Variants in LRRTM4 observed in about 807,000 individuals in gnomAD.
The protein encoded by LRRTM4 is leucine-rich repeat transmembrane neuronal protein 4.
A neutral mutation model predicts 47.6 loss-of-function variants in LRRTM4; 25 were observed. The ratio of observed to expected loss-of-function variants is 0.53; its 90% CI spans 0.38 to 0.73. LRRTM4 has a LOEUF of 0.73. Among genes scored for constraint, LRRTM4 ranks in the 30% least tolerant of loss-of-function variants. The pLI, the probability that LRRTM4 is intolerant of heterozygous loss-of-function variation, is 0.00. For missense variants in LRRTM4, 638 were observed against 713.4 expected, an observed-to-expected ratio of 0.89 and a Z score of 1.20; for synonymous variants, 311 against 269.5, an observed-to-expected ratio of 1.15 and a Z score of -1.51.
At chr2:77,488,010 A>G (rs1429069852) in intron 3 of LRRTM4, among the ~76,000 whole-genome samples, 2 of 152,118 alleles carry the variant, frequency 1.3e-5, no homozygotes, top group Non-Finnish European at 2.9e-5. Context: ...GACCTGATGA[A>G]TGGTGGGTCT....
chr2:76,833,602 T>C (rs553221340), intron 3 of LRRTM4, among the ~76,000 whole-genome samples: 1 of 151,774 alleles, frequency 6.6e-6, no homozygotes, highest in Admixed American at 6.6e-5. Context: ...CAGTAAATAA[T>C]ATAATAATAT....
intron 3 of LRRTM4, among the ~76,000 whole-genome samples, chr2:76,853,310 T>C (rs1672053294): frequency 6.6e-6 from 1 of 152,142 alleles, no homozygotes; most frequent in Non-Finnish European, 1.5e-5. Flanking sequence ...CTCAATTGAA[T>C]TGAAATGGGC....
chr2:77,193,547 C>T (rs992387404), intron 3 of LRRTM4, among the ~76,000 whole-genome samples: 6 of 151,464 alleles, frequency 4.0e-5, no homozygotes, highest in South Asian at 2.1e-4. Flanking sequence ...TAGTGGCTCA[C>T]GCCTGTAATC....
At chr2:76,933,280 A>T (rs576454927) in intron 3 of LRRTM4, among the ~76,000 whole-genome samples, 1 of 152,248 alleles carries the variant, frequency 6.6e-6, no homozygotes, top group South Asian at 2.1e-4. Flanking sequence ...CAATAAAGTT[A>T]TATGTTACCC....
At chr2:77,251,740 G>C (rs571946813) in intron 3 of LRRTM4, among the ~76,000 whole-genome samples, 1 of 152,268 alleles carries the variant, frequency 6.6e-6, no homozygotes, top group South Asian at 2.1e-4. Flanking sequence ...CACTGCCCTT[G>C]CACTCACCCA....
intron 3 of LRRTM4, among the ~76,000 whole-genome samples, chr2:77,148,834 G>C (rs916611153): frequency 2.6e-5 from 4 of 152,078 alleles, no homozygotes; most frequent in Non-Finnish European, 5.9e-5. Context: ...TAAAGAAGAA[G>C]AACCTCGCAG....
At chr2:77,250,223 C>G (rs570984407) in intron 3 of LRRTM4, among the ~76,000 whole-genome samples, 1 of 152,182 alleles carries the variant, frequency 6.6e-6, no homozygotes, top group East Asian at 1.9e-4. Context: ...GAAACTATCA[C>G]GTCATAATAA....
chr2:77,219,671 T>G (rs981571318), intron 3 of LRRTM4, among the ~76,000 whole-genome samples: 1 of 152,152 alleles, frequency 6.6e-6, no homozygotes, highest in Admixed American at 6.5e-5. Flanking sequence ...TGGAAAGAGA[T>G]GTTTGGCAGA....
chr2:76,909,246 G>T (rs569833747), intron 3 of LRRTM4, among the ~76,000 whole-genome samples: 1 of 152,182 alleles, frequency 6.6e-6, no homozygotes, highest in Non-Finnish European at 1.5e-5. Context: ...AATGGGGAAA[G>T]GATTCCCTGT....
chr2:77,111,101 G>GT (rs1311421042), intron 3 of LRRTM4, among the ~76,000 whole-genome samples: 1 of 151,844 alleles, frequency 6.6e-6, no homozygotes, highest in Non-Finnish European at 1.5e-5. Flanking sequence ...GTAATTCCCT[G>GT]TTTTTTGTTT....
At chr2:77,425,626 A>G (rs1046725349) in intron 3 of LRRTM4, among the ~76,000 whole-genome samples, 5 of 152,312 alleles carry the variant, frequency 3.3e-5, no homozygotes, top group African/African-American at 1.2e-4. Context: ...ATTGACACCT[A>G]TAAGTGGATA....
chr2:77,076,166 G>A (rs1039738219), intron 3 of LRRTM4, among the ~76,000 whole-genome samples: 1 of 152,018 alleles, frequency 6.6e-6, no homozygotes, highest in Non-Finnish European at 1.5e-5. Context: ...TTAATTAAAA[G>A]CCCATCTAAC....
At chr2:77,325,805 A>G (rs1283826678) in intron 3 of LRRTM4, among the ~76,000 whole-genome samples, 1 of 152,066 alleles carries the variant, frequency 6.6e-6, no homozygotes, top group South Asian at 2.1e-4. Context: ...TCTATGGTTG[A>G]CTCTAAAGGC....
chr2:76,889,869 G>A (rs529988050), intron 3 of LRRTM4, among the ~76,000 whole-genome samples: 206 of 151,926 alleles, frequency 1.4e-3, no homozygotes, highest in Middle Eastern at 3.4e-3. Flanking sequence ...ATTGAGGTAG[G>A]ATGATTGCAA....
chr2:77,074,733 A>G (rs1218314548), intron 3 of LRRTM4, among the ~76,000 whole-genome samples: 1 of 152,198 alleles, frequency 6.6e-6, no homozygotes, highest in Non-Finnish European at 1.5e-5. Context: ...AAAAAGGTCA[A>G]TTGTTGCAAA....
intron 3 of LRRTM4, among the ~76,000 whole-genome samples, chr2:77,166,177 G>C (rs1454460038): frequency 6.6e-6 from 1 of 152,136 alleles, no homozygotes; most frequent in African/African-American, 2.4e-5. Flanking sequence ...GACAAACAGA[G>C]AGCCAAATCA....
chr2:77,340,890 A>C (rs1671348499), intron 3 of LRRTM4, among the ~76,000 whole-genome samples: 1 of 151,994 alleles, frequency 6.6e-6, no homozygotes. Context: ...GTATAGACAG[A>C]AAATTTAACA....
intron 3 of LRRTM4, among the ~76,000 whole-genome samples, chr2:77,004,844 G>A (rs1677575988): frequency 6.6e-6 from 1 of 152,164 alleles, no homozygotes. Flanking sequence ...TGACCTAGAT[G>A]TGAAACATGG....
At chr2:76,858,321 C>A (rs1273599108) in intron 3 of LRRTM4, among the ~76,000 whole-genome samples, 1 of 152,156 alleles carries the variant, frequency 6.6e-6, no homozygotes, top group African/African-American at 2.4e-5. Context: ...TTTCTCCCAC[C>A]TGACTCTTTT....
Sources: gnomAD v4.1 joint callset for allele counts (sites outside exome capture counted in the v4.1 genomes callset) on GRCh38, gnomAD v4.1.1 for gene constraint, MANE v1.5 for transcripts, NCBI Gene and HGNC (gene_info 2026-07-23, HGNC 2026-07-21) for gene names.